SLC2A12: variants seen among roughly 807,000 people sequenced by gnomAD.
SLC2A12 encodes the protein solute carrier family 2, facilitated glucose transporter member 12.
In SLC2A12, 23 loss-of-function variants were observed where a neutral mutation model predicts 41.8. The ratio of observed to expected loss-of-function variants is 0.55; its 90% CI spans 0.40 to 0.78. The LOEUF is 0.78. Ranked by LOEUF, SLC2A12 falls within the 30% of genes least tolerant of loss-of-function variation. The pLI, the probability that SLC2A12 is intolerant of heterozygous loss-of-function variation, is 0.00. For synonymous variants in SLC2A12, 295 were observed against 285.9 expected, an observed-to-expected ratio of 1.03 and a Z score of -0.32; for missense variants, 654 against 745.6, an observed-to-expected ratio of 0.88 and a Z score of 1.43.
At chr6:133,994,670 T>C (rs574012417) in intron 4 of SLC2A12, among the ~76,000 whole-genome samples, 2 of 152,034 alleles carry the variant, frequency 1.3e-5, no homozygotes, top group Non-Finnish European at 2.9e-5. Context: ...AGAGCTTGCA[T>C]TGAGCCGAGA....
chr6:133,994,161 A>C (rs1776655603), intron 4 of SLC2A12, among the ~76,000 whole-genome samples: 1 of 152,224 alleles, frequency 6.6e-6, no homozygotes, highest in African/African-American at 2.4e-5. Context: ...CAACTTCCTG[A>C]TAGACTGAAT....
intron 2 of SLC2A12, among the ~76,000 whole-genome samples, chr6:134,017,715 G>A (rs184098383): frequency 3.9e-5 from 6 of 152,046 alleles, no homozygotes; most frequent in African/African-American, 1.2e-4. Context: ...TTAGCCAGGC[G>A]TGGTGGCGGG....
chr6:134,019,803 C>G (rs1777017327), intron 2 of SLC2A12, among the ~76,000 whole-genome samples: 1 of 152,180 alleles, frequency 6.6e-6, no homozygotes, highest in Non-Finnish European at 1.5e-5. Flanking sequence ...AGGTGGATCA[C>G]TTGAGGTCAG....
At chr6:133,995,248 GT>G (rs1480967632) in intron 4 of SLC2A12, among the ~76,000 whole-genome samples, 1 of 151,826 alleles carries the variant, frequency 6.6e-6, no homozygotes, top group Non-Finnish European at 1.5e-5. Context: ...ATCATAGCAG[GT>G]TTCTGTGCTG....
chr6:134,018,429 C>T (rs940229571), intron 2 of SLC2A12, among the ~76,000 whole-genome samples: 1 of 152,090 alleles, frequency 6.6e-6, no homozygotes, highest in African/African-American at 2.4e-5. Flanking sequence ...CCAGGCAGTC[C>T]AATACCAAAG....
At chr6:133,997,706 A>G (rs1253041636) in intron 4 of SLC2A12, among the ~76,000 whole-genome samples, 1 of 152,168 alleles carries the variant, frequency 6.6e-6, no homozygotes, top group Non-Finnish European at 1.5e-5. Flanking sequence ...TACTATGTTC[A>G]CTACCTGGGT....
At chr6:134,024,243 T>C (rs573896173) in intron 2 of SLC2A12, among the ~76,000 whole-genome samples, 126 of 152,330 alleles carry the variant, frequency 8.3e-4, no homozygotes, top group Non-Finnish European at 1.2e-3. Flanking sequence ...TTTCCTCCCA[T>C]GGATTCCAGT....
intron 1 of SLC2A12, among the ~76,000 whole-genome samples, chr6:134,034,882 C>T (rs936294118): frequency 6.6e-6 from 1 of 152,132 alleles, no homozygotes; most frequent in African/African-American, 2.4e-5. Flanking sequence ...AGTCATTTTG[C>T]TCATGGCTTT....
chr6:134,029,842 C>T (rs1582618056), intron 1 of SLC2A12, 121 bp from the exon 2 acceptor site: 1 of 1,215,286 alleles, frequency 8.2e-7, no homozygotes, highest in Non-Finnish European at 1.1e-6. Flanking sequence ...AACGAACACA[C>T]AATTATGATA....
At chr6:133,995,633 A>G (rs142761594) in intron 4 of SLC2A12, among the ~76,000 whole-genome samples, 1 of 152,270 alleles carries the variant, frequency 6.6e-6, no homozygotes, top group East Asian at 1.9e-4. Context: ...GGAAAAAGAG[A>G]CCCAGCACTA....
chr6:134,031,628 A>T (rs755993842), intron 1 of SLC2A12, among the ~76,000 whole-genome samples: 8 of 152,200 alleles, frequency 5.3e-5, no homozygotes, highest in Admixed American at 4.6e-4. Context: ...ACATACCAAC[A>T]TAGGGAAGAT....
intron 1 of SLC2A12, among the ~76,000 whole-genome samples, chr6:134,032,449 A>T (rs6908431): frequency 0.062 from 1,960 of 31,534 alleles, 148 homozygotes; most frequent in African/African-American, 0.22. Context: ...TATATATATA[A>T]ATATATATAT....
intron 1 of SLC2A12, among the ~76,000 whole-genome samples, chr6:134,033,785 A>G (rs777888943): frequency 6.6e-6 from 1 of 152,118 alleles, no homozygotes; most frequent in Admixed American, 6.6e-5. Flanking sequence ...GTGTCCCTAC[A>G]ATGAGAAAGA....
At chr6:134,009,346 G>T (rs1776851181) in intron 2 of SLC2A12, 1 of 152,178 alleles carries the variant, frequency 6.6e-6, no homozygotes, top group Admixed American at 6.5e-5. Context: ...TGTCAAGCAA[G>T]CCCTACACCT....
intron 4 of SLC2A12, among the ~76,000 whole-genome samples, chr6:133,991,543 C>G (rs1397597345): frequency 6.6e-6 from 1 of 152,180 alleles, no homozygotes; most frequent in African/African-American, 2.4e-5. Flanking sequence ...GCAGTCAGCT[C>G]TGTGGGGAAG....
rs563113287 is a variant in SLC2A12, at chr6:134,031,606, C to T, written c.104-1885G>A. 2.6e-5 allele frequency among the ~76,000 whole-genome samples: 4 copies of T among 152,228 alleles called. No individual in the cohort carries two copies. The South Asian group carries it at 6.2e-4, about 24-fold the overall frequency. Reference sequence around the variant, plus strand: ...GATGTAGAGGGCATTGTACTATATACTGTGTAGCGCAACATACCAACATAG... The same window carrying T: ...GATGTAGAGGGCATTGTACTATATATTGTGTAGCGCAACATACCAACATAG... On this transcript the variant is annotated intron_variant, in intron 1 of 4. Transcript: ENST00000275230.
chr6:134,052,578 A>C lies in SLC2A12; in HGVS notation c.-98T>G. 1 of 891,028 alleles carries C rather than the reference A, an allele frequency of 1.1e-6. No homozygotes were observed. Among genetic ancestry groups the C allele is most frequent in the Non-Finnish European group, 1.8e-6 (1 of 565,996 alleles). The allele number at this position is 891,028 out of a possible 1,614,324, so 55.2% of individuals were successfully genotyped here. Reference sequence around the variant, plus strand: ...CTTTCCCCATAATAGCATGCTAAAGAAGAGTGTGGGGAAAAACTTCGGGCA... The same window carrying C: ...CTTTCCCCATAATAGCATGCTAAAGCAGAGTGTGGGGAAAAACTTCGGGCA... On this transcript the variant is annotated 5_prime_UTR_variant, in exon 1 of 5. Transcript: ENST00000275230.
intron 1 of SLC2A12, among the ~76,000 whole-genome samples, chr6:134,036,810 G>A (rs530531491): frequency 2.4e-4 from 37 of 152,258 alleles, no homozygotes; most frequent in Middle Eastern, 6.8e-3. Context: ...TTCTATGAAG[G>A]TTTTAGCGCT....
intron 1 of SLC2A12, among the ~76,000 whole-genome samples, chr6:134,050,641 GTTTCT>G (rs1773665670): frequency 1.3e-5 from 2 of 152,156 alleles, no homozygotes; most frequent in South Asian, 2.1e-4. Flanking sequence ...TTCCTAGGCA[GTTTCT>G]TTTCATCTTC....
Sources: gnomAD v4.1 joint callset for allele counts (sites outside exome capture counted in the v4.1 genomes callset) on GRCh38, gnomAD v4.1.1 for gene constraint, MANE v1.5 for transcripts, NCBI Gene and HGNC (gene_info 2026-07-23, HGNC 2026-07-21) for gene names.